RPS6KA5: variants seen among roughly 807,000 people sequenced by gnomAD.
RPS6KA5 encodes ribosomal protein S6 kinase A5.
RPS6KA5 carries 27 observed loss-of-function variants against 85.5 expected under a neutral mutation model. The observed-to-expected ratio is 0.32, with a 90% CI of 0.23 to 0.44. The LOEUF is 0.44. RPS6KA5 is among the 20% of genes least tolerant of loss of function. The probability of loss-of-function intolerance (pLI) is 1.00; values close to 1 mark genes in which losing one functional copy is unlikely to be tolerated. For synonymous variants in RPS6KA5, 334 were observed against 348.2 expected (o/e 0.96, Z 0.46); for missense variants, 811 against 980.9 (o/e 0.83, Z 2.31).
intron 1 of RPS6KA5, among the ~76,000 whole-genome samples, chr14:91,004,763 C>T (rs1024846149): frequency 2.0e-5 from 3 of 151,822 alleles, no homozygotes; most frequent in South Asian, 2.1e-4. Flanking sequence ...GTCAGGAGAT[C>T]GAGACCATCC....
At chr14:90,960,234 CTT>C (rs1260703969) in intron 3 of RPS6KA5, among the ~76,000 whole-genome samples, 3 of 152,106 alleles carry the variant, frequency 2.0e-5, no homozygotes, top group Non-Finnish European at 2.9e-5. Context: ...CTTTACGCCT[CTT>C]TGTTTATCAA....
At chr14:90,887,926 C>A (rs898152830) in intron 14 of RPS6KA5, among the ~76,000 whole-genome samples, 1 of 111,020 alleles carries the variant, frequency 9.0e-6, no homozygotes, top group Non-Finnish European at 1.7e-5. Context: ...CAAGCCTGGG[C>A]GACAGAGGGA....
In RPS6KA5 at chr14:90,856,783, A is replaced by G. The variant is rs1019994681; in HGVS notation, c.*15291T>C. 2.6e-5 allele frequency: 4 copies of G among 152,222 alleles called. No homozygotes were observed. Among genetic ancestry groups the G allele is most frequent in the Non-Finnish European group, 5.9e-5 (4 of 68,116 alleles). 9.4% of individuals were successfully genotyped at this position (152,222 alleles called of 1,614,324 possible). On this transcript the variant is annotated 3_prime_UTR_variant, in exon 17 of 17. Coordinates refer to ENST00000614987, the MANE Select transcript of RPS6KA5 (RefSeq NM_004755.4). The stretch of plus-strand genomic sequence containing the variant: ...TACCTAATTCCAGAACATTTTGATC[A>G]CCCCAAAACCCCATCACCTGTATAC...
chr14:91,028,343 G>A lies in RPS6KA5; in HGVS notation c.104-27184C>T, dbSNP rs114539018. On this transcript the variant is annotated intron_variant, in intron 1 of 16. Transcript: ENST00000614987. ...AGCAACCCTTTCACCTCAGCCTGCAGAGTAGCTGAGACTACAGGCTTGAGC... is the reference window on the plus strand; with the variant it reads ...AGCAACCCTTTCACCTCAGCCTGCAAAGTAGCTGAGACTACAGGCTTGAGC... Among the ~76,000 whole-genome samples, 513 of 152,004 alleles carry A rather than the reference G, an allele frequency of 3.4e-3. 4 individuals carry two copies. Among genetic ancestry groups the A allele is most frequent in the African/African-American group, 0.011 (472 of 41,434 alleles).
chr14:91,040,261 T>G (rs1330385997), intron 1 of RPS6KA5, among the ~76,000 whole-genome samples: 1 of 151,678 alleles, frequency 6.6e-6, no homozygotes, highest in Admixed American at 6.6e-5. Context: ...ATACAAAAAT[T>G]AGTGGGTGTG....
At chr14:90,954,361 T>C (rs1322185909) in intron 3 of RPS6KA5, among the ~76,000 whole-genome samples, 1 of 152,212 alleles carries the variant, frequency 6.6e-6, no homozygotes, top group Non-Finnish European at 1.5e-5. Flanking sequence ...CATTTACTAG[T>C]GAAGCCATCT....
At position 90,978,442 on chromosome 14, in the gene RPS6KA5, T is replaced by C; in HGVS notation, c.258A>G (p.Ala86=). 6.2e-7 allele frequency: 1 copy of C among 1,614,004 alleles called. No homozygotes were observed. The part of the protein sequence containing the change: ...KLYAMKVLKK[A]TIVQKAKTTE... Reference sequence around the variant, plus strand: ...TGGTTTTGGCCTTTTGAACGATTGTTGCCTTTTTCAAAACTTTCATGGCAT... The same window carrying C: ...TGGTTTTGGCCTTTTGAACGATTGTCGCCTTTTTCAAAACTTTCATGGCAT... Residue 86 remains alanine, a synonymous_variant, in exon 3 of 17, where the codon GCA becomes GCG. Transcript: ENST00000614987.
Position 90,854,341 on chromosome 14 carries a change from C to T in RPS6KA5, c.*17733G>A, listed in dbSNP as rs2032170330. 1 of 152,058 alleles carries T rather than the reference C, an allele frequency of 6.6e-6. No homozygotes were observed. Among genetic ancestry groups the T allele is most frequent in the African/African-American group, 2.4e-5 (1 of 41,400 alleles). The allele number at this position is 152,058 out of a possible 1,614,324, so 9.4% of individuals were successfully genotyped here. On this transcript the variant is annotated 3_prime_UTR_variant, in exon 17 of 17. Transcript: ENST00000614987. Reference sequence around the variant, plus strand: ...ATCTGCTAACGTTTGAAAAACTTAACATGAAATCAGCACAGAAACTAAGTT... The same window carrying T: ...ATCTGCTAACGTTTGAAAAACTTAATATGAAATCAGCACAGAAACTAAGTT...
In RPS6KA5 at chr14:90,900,211, C is replaced by G. The variant is rs1320680307; in HGVS notation, c.1276G>C (p.Asp426His). 1 of 1,603,712 alleles carries G rather than the reference C, an allele frequency of 6.2e-7. No homozygotes were observed. The highest frequency in any genetic ancestry group is 8.5e-7 in the Non-Finnish European group (1 of 1,174,398). The stretch of plus-strand genomic sequence containing the variant: ...TCTCCCAGGGGTTTGTCCTTCAAAT[C>G]TAGGTCATAGTGTTGATAGAATGGA... ...DSPFYQHYDLDLKDKPLGEGS... is the reference protein window; with the variant it reads ...DSPFYQHYDLHLKDKPLGEGS... Residue 426 changes from aspartate to histidine, a missense_variant, in exon 11 of 17, where the codon GAT (aspartate) becomes CAT (histidine). Around this residue, in one of 3 missense-constraint regions of RPS6KA5, gnomAD observed 650 missense variants for 793.4 expected, o/e 0.82. Transcript: ENST00000614987.
chr14:90,980,795 G>C (rs2039756755), intron 2 of RPS6KA5, among the ~76,000 whole-genome samples: 1 of 152,242 alleles, frequency 6.6e-6, no homozygotes, highest in South Asian at 2.1e-4. Context: ...TTTTAACAGT[G>C]AATGGACCCA....
Position 90,900,773 on chromosome 14 carries a change from T to C in RPS6KA5, c.1120-37A>G, listed in dbSNP as rs535029620. 2.5e-6 allele frequency: 4 copies of C among 1,568,914 alleles called. No individual in the cohort carries two copies. In the Admixed American group the frequency reaches 5.7e-5, roughly 22 times the overall value. On this transcript the variant is annotated intron_variant, in intron 9 of 16. Coordinates refer to ENST00000614987, the MANE Select transcript of RPS6KA5 (RefSeq NM_004755.4). ...ACAAAGAAAGATAAAGAAAAACAAC[T>C]TGCAGTTTTCCAGTTTAACACAGAT...
intron 5 of RPS6KA5, among the ~76,000 whole-genome samples, chr14:90,941,929 A>C (rs1286117): frequency 0.64 from 98,026 of 152,060 alleles, 32,916 homozygotes; most frequent in East Asian, 0.87. Context: ...ATTTTTACAA[A>C]GGCATAAAAA....
At chr14:90,982,084 A>G (rs1018261943) in intron 2 of RPS6KA5, among the ~76,000 whole-genome samples, 2 of 152,210 alleles carry the variant, frequency 1.3e-5, no homozygotes, top group East Asian at 3.8e-4. Context: ...TTGTTCTCCA[A>G]TATTTTAAGA....
In RPS6KA5 at chr14:90,850,772, C is replaced by T. The variant is rs2031962986; in HGVS notation, c.*21302G>A. On this transcript the variant is annotated 3_prime_UTR_variant, in exon 17 of 17. Transcript: ENST00000614987. ...CTAAACTCTAAGATTCTCGTATGTG[C>T]TGAAAACACTGCTATGACGACAGTT... 2 of 152,192 alleles carry T rather than the reference C, an allele frequency of 1.3e-5. No individual in the cohort carries two copies. Among genetic ancestry groups the T allele is most frequent in the South Asian group, 4.1e-4 (2 of 4,832 alleles). 9.4% of individuals were successfully genotyped at this position (152,192 alleles called of 1,614,324 possible).
At chr14:90,897,373 T>C (rs2034897608) in intron 12 of RPS6KA5, among the ~76,000 whole-genome samples, 2 of 152,210 alleles carry the variant, frequency 1.3e-5, no homozygotes, top group Admixed American at 1.3e-4. Flanking sequence ...TGTATTGTTT[T>C]AAGTTTGTGG....
At chr14:90,891,195 C>T (rs1347238010) in intron 13 of RPS6KA5, among the ~76,000 whole-genome samples, 1 of 151,388 alleles carries the variant, frequency 6.6e-6, no homozygotes, top group Admixed American at 6.6e-5. Flanking sequence ...TACCCCAGGG[C>T]CTGGCACAGA....
intron 12 of RPS6KA5, 123 bp from the exon 13 acceptor site, chr14:90,894,706 T>C: frequency 8.9e-7 from 1 of 1,118,818 alleles, no homozygotes; most frequent in Non-Finnish European, 1.2e-6. Context: ...AAATAATCAA[T>C]GGCAATCCTC....
intron 1 of RPS6KA5, among the ~76,000 whole-genome samples, chr14:91,002,902 T>C (rs1262853987): frequency 6.6e-6 from 1 of 152,182 alleles, no homozygotes; most frequent in African/African-American, 2.4e-5. Context: ...CAAGTCAATG[T>C]ACATGGCCCA....
At chr14:91,058,273 G>A (rs1416466562) in intron 1 of RPS6KA5, among the ~76,000 whole-genome samples, 1 of 152,196 alleles carries the variant, frequency 6.6e-6, no homozygotes, top group Non-Finnish European at 1.5e-5. Flanking sequence ...AATGAATTCA[G>A]TATAATCTCA....
Sources: gnomAD v4.1 joint callset for allele counts (sites outside exome capture counted in the v4.1 genomes callset) on GRCh38, gnomAD v4.1.1 for gene constraint, gnomAD v4.1.1 regional missense constraint, MANE v1.5 for transcripts, NCBI Gene and HGNC (gene_info 2026-07-23, HGNC 2026-07-21) for gene names.